SPOPL: variants seen among roughly 807,000 people sequenced by gnomAD.
SPOPL encodes speckle-type POZ protein-like.
Under a neutral mutation model 53.8 loss-of-function variants are expected in SPOPL, and 23 were observed. The observed-to-expected ratio is 0.43, with a 90% CI of 0.31 to 0.61. The LOEUF (loss-of-function observed/expected upper bound fraction) is 0.61. Among genes scored for constraint, SPOPL ranks in the 20% least tolerant of loss-of-function variants. SPOPL has a pLI of 0.12. For missense variants in SPOPL, 442 were observed against 466.9 expected, an observed-to-expected ratio of 0.95 and a Z score of 0.49; for synonymous variants, 164 against 149.7, an observed-to-expected ratio of 1.10 and a Z score of -0.70.
intron 1 of SPOPL, among the ~76,000 whole-genome samples, chr2:138,505,404 T>C (rs1684193229): frequency 6.6e-6 from 1 of 151,878 alleles, no homozygotes; most frequent in South Asian, 2.1e-4. Flanking sequence ...TGACATGTAA[T>C]GGAAAGAGAT....
chr2:138,529,611 CATA>C (rs1400174929), intron 1 of SPOPL, among the ~76,000 whole-genome samples: 1 of 152,012 alleles, frequency 6.6e-6, no homozygotes, highest in Non-Finnish European at 1.5e-5. Context: ...ACCACTCTGT[CATA>C]ATTACAGTTG....
At chr2:138,541,281 T>A (rs1216854178) in intron 1 of SPOPL, among the ~76,000 whole-genome samples, 2 of 152,228 alleles carry the variant, frequency 1.3e-5, no homozygotes, top group East Asian at 3.9e-4. Context: ...GAGGATTCCC[T>A]CTTTTTCTAT....
intron 1 of SPOPL, among the ~76,000 whole-genome samples, chr2:138,521,259 G>T (rs1438764607): frequency 6.6e-6 from 1 of 152,006 alleles, no homozygotes; most frequent in Non-Finnish European, 1.5e-5. Context: ...CTTGCCTCCA[G>T]TTCTGTCTAT....
At chr2:138,528,889 T>G (rs1463982601) in intron 1 of SPOPL, among the ~76,000 whole-genome samples, 4 of 152,196 alleles carry the variant, frequency 2.6e-5, no homozygotes, top group African/African-American at 4.8e-5. Context: ...ATAATATTGA[T>G]AGAGGCAGTT....
Position 138,542,992 on chromosome 2 carries a change from C to T in SPOPL, c.-60-7165C>T, listed in dbSNP as rs545883783. On this transcript the variant is annotated intron_variant, in intron 1 of 10. Coordinates refer to ENST00000280098, the MANE Select transcript of SPOPL (RefSeq NM_001001664.3). ...AAGGATGTTATTTATCCTTCACTTA[C>T]GAAGCTTAGCTTGGCTGGATGTGAA... 1.5e-4 allele frequency among the ~76,000 whole-genome samples: 23 copies of T among 152,196 alleles called. 1 individual carries two copies. The South Asian group carries it at 1.7e-3, about 11-fold the overall frequency.
chr2:138,561,959 T>A (rs1685559285), intron 8 of SPOPL, among the ~76,000 whole-genome samples: 1 of 151,942 alleles, frequency 6.6e-6, no homozygotes, highest in African/African-American at 2.4e-5. Context: ...GTAACAAACC[T>A]GCACATGTAT....
chr2:138,571,880 T>TA lies in SPOPL; in HGVS notation c.*2801dup, dbSNP rs1685790128. 1 of 152,632 alleles carries TA rather than the reference T, an allele frequency of 6.6e-6. No homozygotes were observed. Among genetic ancestry groups the TA allele is most frequent in the African/African-American group, 2.4e-5 (1 of 41,452 alleles). 9.5% of individuals were successfully genotyped at this position (152,632 alleles called of 1,614,324 possible). ...CATTTTTAATTTTAATGTGTGTTGA[T>TA]ATTTGGAGCACAAATAATGAAGGTG... is the stretch of plus-strand genomic sequence containing the variant. On this transcript the variant is annotated 3_prime_UTR_variant, in exon 11 of 11. Transcript: ENST00000280098.
rs543249661 is a variant in SPOPL at position 138,502,594 on chromosome 2, C to G, written c.-61+475C>G. 3.3e-5 allele frequency among the ~76,000 whole-genome samples: 5 copies of G among 152,158 alleles called. 1 individual carries two copies. The South Asian group carries it at 1.0e-3, about 32-fold the overall frequency. On this transcript the variant is annotated intron_variant, in intron 1 of 10. Coordinates refer to ENST00000280098, the MANE Select transcript of SPOPL (RefSeq NM_001001664.3). ...ACTTGAAACTCTCGTCCCTGTTAGCCCATTTTAGGCAGAGTTCTCAGCTTC... is the reference window on the plus strand; with the variant it reads ...ACTTGAAACTCTCGTCCCTGTTAGCGCATTTTAGGCAGAGTTCTCAGCTTC...
chr2:138,541,173 A>G lies in SPOPL; in HGVS notation c.-60-8984A>G, dbSNP rs551337233. Among the ~76,000 whole-genome samples the G allele has an allele frequency of 7.2e-4, 109 of 152,280 alleles. 1 individual carries two copies. The highest frequency in any genetic ancestry group is 7.1e-3 in the Admixed American group (108 of 15,298). On this transcript the variant is annotated intron_variant, in intron 1 of 10. Coordinates refer to ENST00000280098, the MANE Select transcript of SPOPL (RefSeq NM_001001664.3). Reference sequence around the variant, plus strand: ...TATTTTATTGAGGATTTTTGCATCAATGTTCATCAGGGATAGTGGTCTAAA... The same window carrying G: ...TATTTTATTGAGGATTTTTGCATCAGTGTTCATCAGGGATAGTGGTCTAAA...
intron 1 of SPOPL, among the ~76,000 whole-genome samples, chr2:138,520,158 T>C (rs910015826): frequency 2.0e-5 from 3 of 152,248 alleles, no homozygotes; most frequent in African/African-American, 7.2e-5. Flanking sequence ...AATTTTGTTA[T>C]ATCAAAAATG....
At chr2:138,564,905 A>C in intron 9 of SPOPL, 35 bp from the exon 10 acceptor site, 1 of 1,613,702 alleles carries the variant, frequency 6.2e-7, no homozygotes, top group African/African-American at 1.3e-5. Context: ...TTTTCTCTGG[A>C]CTTTTTTTTA....
chr2:138,557,545 T>G (rs968446186), intron 5 of SPOPL, among the ~76,000 whole-genome samples: 3 of 152,212 alleles, frequency 2.0e-5, no homozygotes, highest in Admixed American at 1.3e-4. Flanking sequence ...CAAATTTATT[T>G]ATTTATGATT....
intron 5 of SPOPL, among the ~76,000 whole-genome samples, chr2:138,554,222 G>C (rs747539992): frequency 6.6e-6 from 1 of 151,330 alleles, no homozygotes; most frequent in Non-Finnish European, 1.5e-5. Context: ...ACATGCTAGT[G>C]ACCCCCAAAA....
chr2:138,530,052 T>TA (rs1354838862), intron 1 of SPOPL, among the ~76,000 whole-genome samples: 4 of 152,226 alleles, frequency 2.6e-5, no homozygotes, highest in African/African-American at 9.6e-5. Context: ...AGCTGCCACT[T>TA]ACAAGTGAGA....
At chr2:138,539,083 C>T (rs1318320253) in intron 1 of SPOPL, among the ~76,000 whole-genome samples, 1 of 152,228 alleles carries the variant, frequency 6.6e-6, no homozygotes, top group Non-Finnish European at 1.5e-5. Flanking sequence ...ATGAACTCAT[C>T]ATTTCTTATG....
At chr2:138,513,629 A>G (rs892760365) in intron 1 of SPOPL, among the ~76,000 whole-genome samples, 1 of 151,848 alleles carries the variant, frequency 6.6e-6, no homozygotes, top group African/African-American at 2.4e-5. Context: ...AGTCCCAGCT[A>G]CTCAGGAAGC....
chr2:138,555,159 TGTGTGTGTGTGC>T (rs1262599890), intron 5 of SPOPL, among the ~76,000 whole-genome samples: 4 of 151,254 alleles, frequency 2.6e-5, no homozygotes, highest in Admixed American at 6.6e-5. Context: ...TGTGTGTGTG[TGTGTGTGTGTGC>T]GAGCCAGACT....
intron 1 of SPOPL, among the ~76,000 whole-genome samples, chr2:138,529,536 T>TGTG: frequency 1.0e-5 from 1 of 97,630 alleles, no homozygotes; most frequent in South Asian, 3.7e-4. Context: ...GTGTGTGTGT[T>TGTG]TGCGTGCGCG....
At chr2:138,556,716 ATTTAT>A (rs892822492) in intron 5 of SPOPL, among the ~76,000 whole-genome samples, 22 of 152,198 alleles carry the variant, frequency 1.4e-4, no homozygotes, top group African/African-American at 5.3e-4. Context: ...TTATTGGCAG[ATTTAT>A]TTATTTATAC....
Sources: gnomAD v4.1 joint callset for allele counts (sites outside exome capture counted in the v4.1 genomes callset) on GRCh38, gnomAD v4.1.1 for gene constraint, MANE v1.5 for transcripts, NCBI Gene and HGNC (gene_info 2026-07-23, HGNC 2026-07-21) for gene names.